CADPS: variants seen among roughly 807,000 people sequenced by gnomAD.
CADPS encodes calcium dependent secretion activator, also known as calcium-dependent secretion activator 1.
In CADPS, 57 loss-of-function variants were observed where a neutral mutation model predicts 167.3. The ratio of observed to expected loss-of-function variants is 0.34; its 90% confidence interval spans 0.28 to 0.42. The LOEUF is 0.42. Among genes scored for constraint, CADPS ranks in the 20% least tolerant of loss-of-function variants. CADPS has a pLI of 1.00. For missense variants in CADPS, 1,414 were observed against 1,738.1 expected (o/e 0.81, Z 3.32); for synonymous variants, 676 against 635.3 (o/e 1.06, Z -0.96).
chr3:62,509,287 G>C (rs2067265796), intron 17 of CADPS, among the ~76,000 whole-genome samples: 1 of 94,512 alleles, frequency 1.1e-5, no homozygotes, highest in Non-Finnish European at 2.0e-5. Flanking sequence ...GCAAGACTCT[G>C]TCTCAAAAAA....
chr3:62,470,837 T>C (rs2060513654), intron 24 of CADPS: 1 of 152,054 alleles, frequency 6.6e-6, no homozygotes, highest in Non-Finnish European at 1.5e-5. Context: ...GATGTGTGTG[T>C]GTGTGTGCGC....
Position 62,678,657 on chromosome 3 carries a change from C to T in CADPS, c.889-16263G>A, listed in dbSNP as rs79528669. Among the ~76,000 whole-genome samples the T allele has an allele frequency of 7.1e-3, 1,080 of 152,158 alleles. 10 individuals are homozygous for T. Among genetic ancestry groups the T allele is most frequent in the African/African-American group, 0.025 (1,022 of 41,536 alleles). On this transcript the variant is annotated intron_variant, in intron 3 of 29. Coordinates refer to ENST00000383710, the MANE Select transcript of CADPS (RefSeq NM_003716.4). ...GCCCCAGATTTATAGCATTCTTTCC[C>T]TGCTAAAAATGTTTTAAGCCTAAAT... is the stretch of plus-strand genomic sequence containing the variant.
At chr3:62,487,993 A>C (rs2150998260) in intron 21 of CADPS, among the ~76,000 whole-genome samples, 1 of 152,274 alleles carries the variant, frequency 6.6e-6, no homozygotes, top group South Asian at 2.1e-4. Flanking sequence ...ACTTATAACG[A>C]GGTGCTTATA....
chr3:62,724,349 G>A (rs952853367), intron 3 of CADPS, among the ~76,000 whole-genome samples: 1 of 152,118 alleles, frequency 6.6e-6, no homozygotes. Flanking sequence ...GAGCACAATT[G>A]CAATGGCATG....
At chr3:62,603,562 AAGTCATTGGC>A (rs2060268901) in intron 6 of CADPS, among the ~76,000 whole-genome samples, 1 of 152,198 alleles carries the variant, frequency 6.6e-6, no homozygotes, top group Admixed American at 6.5e-5. Flanking sequence ...AACCTTGGCC[AAGTCATTGGC>A]AGAGTCTGTT....
At chr3:62,802,362 G>C (rs943674573) in intron 1 of CADPS, among the ~76,000 whole-genome samples, 3 of 152,124 alleles carry the variant, frequency 2.0e-5, no homozygotes, top group African/African-American at 7.2e-5. Flanking sequence ...TCTTTGCCCG[G>C]AATGTTTTCC....
chr3:62,764,829 G>A (rs2086438806), intron 2 of CADPS, among the ~76,000 whole-genome samples: 1 of 152,206 alleles, frequency 6.6e-6, no homozygotes, highest in African/African-American at 2.4e-5. Flanking sequence ...AGGAAACAAG[G>A]AAGGAAGGAA....
chr3:62,409,952 G>A (rs762698288), intron 28 of CADPS, among the ~76,000 whole-genome samples: 6 of 152,158 alleles, frequency 3.9e-5, no homozygotes, highest in East Asian at 1.9e-4. Context: ...ATCCAAACTC[G>A]GTTCTTCCTG....
chr3:62,787,832 T>A (rs1316029303), intron 1 of CADPS, among the ~76,000 whole-genome samples: 1 of 152,200 alleles, frequency 6.6e-6, no homozygotes, highest in African/African-American at 2.4e-5. Context: ...TAATATGTGA[T>A]GTTGTAGCTC....
At chr3:62,405,546 TA>T (rs1173943155) in intron 28 of CADPS, among the ~76,000 whole-genome samples, 1 of 149,928 alleles carries the variant, frequency 6.7e-6, no homozygotes, top group East Asian at 2.0e-4. Context: ...TAGTAAAAAA[TA>T]AAAATAAAAA....
chr3:62,874,139 C>A lies in CADPS; in HGVS notation c.441+450G>T, dbSNP rs1415183206. 6.6e-6 allele frequency among the ~76,000 whole-genome samples: 1 copy of A among 152,202 alleles called. No homozygotes were observed. The highest frequency in any genetic ancestry group is 2.4e-5 in the African/African-American group (1 of 41,460). On this transcript the variant is annotated intron_variant, in intron 1 of 29. Coordinates refer to ENST00000383710, the MANE Select transcript of CADPS (RefSeq NM_003716.4). This position sits in a 1 kb window ranked among gnomAD's most constrained non-coding sequence, Gnocchi z 7.1. ...CCTCCACCTCGGCGCCCCCACCTGC[C>A]GTTGCCCCCGCCCGCCGAACGCACG...
chr3:62,578,127 T>A (rs915761521), intron 8 of CADPS, among the ~76,000 whole-genome samples: 2 of 148,744 alleles, frequency 1.3e-5, no homozygotes, highest in Non-Finnish European at 3.0e-5. Context: ...ATGCACTTTT[T>A]AAAGACACGA....
intron 10 of CADPS, among the ~76,000 whole-genome samples, chr3:62,550,501 G>A (rs541367127): frequency 7.2e-5 from 11 of 152,100 alleles, no homozygotes; most frequent in African/African-American, 2.4e-4. Context: ...TCTTTACAAC[G>A]AAAGGGAAAT....
At chr3:62,766,259 C>T (rs2086834738) in intron 1 of CADPS, among the ~76,000 whole-genome samples, 1 of 152,148 alleles carries the variant, frequency 6.6e-6, no homozygotes, top group South Asian at 2.1e-4. Context: ...CCACATTTCA[C>T]TTTCATCAGT....
chr3:62,568,662 C>A (rs184900013), intron 9 of CADPS, among the ~76,000 whole-genome samples: 1 of 152,216 alleles, frequency 6.6e-6, no homozygotes. Context: ...AGCTTGCAGA[C>A]AGCCTATTGT....
chr3:62,509,304 A>AAAAG (rs71123271), intron 17 of CADPS, among the ~76,000 whole-genome samples: 4 of 138,988 alleles, frequency 2.9e-5, no homozygotes, highest in African/African-American at 1.1e-4. Flanking sequence ...AAAAAAAAAA[A>AAAAG]AAAGAAAGAA....
intron 3 of CADPS, among the ~76,000 whole-genome samples, chr3:62,736,726 G>T (rs1210600526): frequency 6.6e-6 from 1 of 152,206 alleles, no homozygotes; most frequent in Admixed American, 6.5e-5. Flanking sequence ...AATATGAAAA[G>T]AAGTCCTTAT....
At chr3:62,550,951 C>T (rs1444575775) in intron 10 of CADPS, 1 of 456,548 alleles carries the variant, frequency 2.2e-6, no homozygotes, top group African/African-American at 2.0e-5. Context: ...GCTCCTTAGT[C>T]TTGTCTGGTG....
At chr3:62,647,583 T>C (rs2068874644) in intron 5 of CADPS, among the ~76,000 whole-genome samples, 1 of 152,236 alleles carries the variant, frequency 6.6e-6, no homozygotes, top group African/African-American at 2.4e-5. Flanking sequence ...GCCTGTTTCC[T>C]GATCTGTAAA....
Sources: allele counts gnomAD v4.1 joint callset (sites outside exome capture counted in the v4.1 genomes callset), GRCh38; gene constraint gnomAD v4.1.1; non-coding constraint Gnocchi (gnomAD v3.1); transcripts MANE v1.5; gene names NCBI Gene and HGNC (gene_info 2026-07-23, HGNC 2026-07-21).